The following ASIC2 variants were observed in gnomAD, a reference collection of about 807,000 sequenced individuals.
The protein encoded by ASIC2 is acid-sensing ion channel 2.
A neutral mutation model predicts 57.3 loss-of-function variants in ASIC2; 25 were observed. The observed-to-expected ratio is 0.44, with a 90% CI of 0.32 to 0.61. ASIC2 has a LOEUF of 0.61. ASIC2 is among the 20% of genes least tolerant of loss of function. The pLI, the probability that ASIC2 is intolerant of heterozygous loss-of-function variation, is 0.06. For synonymous variants in ASIC2, 319 were observed against 307.5 expected, an observed-to-expected ratio of 1.04 and a Z score of -0.39; for missense variants, 641 against 738.1, an observed-to-expected ratio of 0.87 and a Z score of 1.52.
chr17:33,790,018 C>G (rs866780901), intron 1 of ASIC2, among the ~76,000 whole-genome samples: 1 of 152,198 alleles, frequency 6.6e-6, no homozygotes, highest in Non-Finnish European at 1.5e-5. Context: ...GAAAATTCTT[C>G]CAATGATGAG....
chr17:33,301,325 G>A (rs1905952235), intron 1 of ASIC2, among the ~76,000 whole-genome samples: 1 of 151,908 alleles, frequency 6.6e-6, no homozygotes, highest in South Asian at 2.1e-4. Flanking sequence ...GCAGGTGTGA[G>A]CCACCACGCC....
chr17:33,989,145 A>AT (rs1905922420), intron 1 of ASIC2, among the ~76,000 whole-genome samples: 1 of 152,112 alleles, frequency 6.6e-6, no homozygotes, highest in Non-Finnish European at 1.5e-5. Context: ...TGTTAGTGAG[A>AT]CATGATGTTA....
intron 1 of ASIC2, among the ~76,000 whole-genome samples, chr17:33,888,210 A>G (rs1487581736): frequency 1.3e-5 from 2 of 152,148 alleles, no homozygotes; most frequent in Non-Finnish European, 2.9e-5. Flanking sequence ...GAGACAGACC[A>G]CCTAACCCAG....
At chr17:33,695,350 C>T (rs995286756) in intron 1 of ASIC2, among the ~76,000 whole-genome samples, 1 of 152,014 alleles carries the variant, frequency 6.6e-6, no homozygotes, top group Admixed American at 6.6e-5. Flanking sequence ...GAGGCCACTG[C>T]TATGGGGTTG....
intron 1 of ASIC2, among the ~76,000 whole-genome samples, chr17:33,788,802 C>G (rs1045686786): frequency 6.6e-6 from 1 of 152,074 alleles, no homozygotes; most frequent in African/African-American, 2.4e-5. Context: ...AACACAGGAA[C>G]AGAAAACCAA....
rs748908440 is a variant in ASIC2 at position 33,194,041 on chromosome 17, G to A, written c.709-81974C>T. ...GCAGCACCTTGGCAGGGGGAGGGCCGTATTCAAGATGCACTGTAACTGGGC... is the reference window on the plus strand; with the variant it reads ...GCAGCACCTTGGCAGGGGGAGGGCCATATTCAAGATGCACTGTAACTGGGC... On this transcript the variant is annotated intron_variant, in intron 1 of 9. Coordinates refer to ENST00000225823, the MANE Select transcript of ASIC2 (RefSeq NM_183377.2). 4.6e-5 allele frequency among the ~76,000 whole-genome samples: 7 copies of A among 152,214 alleles called. No homozygotes were observed. In the East Asian group the frequency reaches 5.8e-4, roughly 13 times the overall value.
At chr17:33,628,293 C>CTTTTTTTTT (rs796936645) in intron 1 of ASIC2, among the ~76,000 whole-genome samples, 1 of 143,512 alleles carries the variant, frequency 7.0e-6, no homozygotes. Context: ...CCTGTCTGGT[C>CTTTTTTTTT]TTTTTTTTTT....
intron 1 of ASIC2, among the ~76,000 whole-genome samples, chr17:33,971,796 A>T (rs1161537022): frequency 6.6e-6 from 1 of 152,224 alleles, no homozygotes; most frequent in Non-Finnish European, 1.5e-5. Flanking sequence ...AGACCTTGTG[A>T]TGGATTTAGA....
intron 1 of ASIC2, among the ~76,000 whole-genome samples, chr17:33,947,226 C>T (rs1904406867): frequency 6.6e-6 from 1 of 152,138 alleles, no homozygotes; most frequent in African/African-American, 2.4e-5. Flanking sequence ...CTATCTTTGC[C>T]ACTCCAGACT....
At chr17:33,156,083 G>T (rs1904993254) in intron 1 of ASIC2, among the ~76,000 whole-genome samples, 1 of 151,680 alleles carries the variant, frequency 6.6e-6, no homozygotes, top group Non-Finnish European at 1.5e-5. Context: ...ATCATAACTT[G>T]GTTCTGAATT....
At chr17:33,675,880 T>C (rs1006252448) in intron 1 of ASIC2, among the ~76,000 whole-genome samples, 1 of 152,224 alleles carries the variant, frequency 6.6e-6, no homozygotes, top group Non-Finnish European at 1.5e-5. Context: ...TTTAGCCTCA[T>C]TTTATTGCAC....
chr17:34,098,128 G>A (rs1567819968), intron 1 of ASIC2, among the ~76,000 whole-genome samples: 1 of 152,138 alleles, frequency 6.6e-6, no homozygotes, highest in Non-Finnish European at 1.5e-5. Context: ...AGACATGGTT[G>A]CCCCTGAGGA....
intron 1 of ASIC2, among the ~76,000 whole-genome samples, chr17:33,114,559 C>T (rs1434493338): frequency 6.6e-6 from 1 of 152,194 alleles, no homozygotes; most frequent in Non-Finnish European, 1.5e-5. Flanking sequence ...AACTCCTTCA[C>T]CTTTTAGTCC....
intron 1 of ASIC2, among the ~76,000 whole-genome samples, chr17:34,131,041 T>A (rs750186822): frequency 8.6e-5 from 13 of 151,994 alleles, no homozygotes; most frequent in Non-Finnish European, 1.6e-4. Context: ...AAACCAATGC[T>A]AAGGGAGAGA....
chr17:34,098,092 A>C (rs1010707432), intron 1 of ASIC2, among the ~76,000 whole-genome samples: 1 of 152,116 alleles, frequency 6.6e-6, no homozygotes, highest in African/African-American at 2.4e-5. Flanking sequence ...GCGGGTTTGG[A>C]GCTGAAGAAA....
chr17:33,263,352 T>C (rs1258021281), intron 1 of ASIC2, among the ~76,000 whole-genome samples: 5 of 152,218 alleles, frequency 3.3e-5, no homozygotes, highest in Admixed American at 2.0e-4. Context: ...CACGGGCCTA[T>C]TGCAGGCTGC....
At chr17:33,524,856 C>T (rs9911561) in intron 1 of ASIC2, among the ~76,000 whole-genome samples, 90,457 of 151,932 alleles carry the variant, frequency 0.6, 27,240 homozygotes, top group African/African-American at 0.69. Context: ...TACAGGTGCA[C>T]ATTACAGCGC....
At chr17:33,370,829 G>T (rs2141938553) in intron 1 of ASIC2, among the ~76,000 whole-genome samples, 1 of 152,302 alleles carries the variant, frequency 6.6e-6, no homozygotes, top group East Asian at 1.9e-4. Context: ...ACCGGAAAGG[G>T]GTCCCGATCC....
At chr17:33,206,483 G>T (rs530409435) in intron 1 of ASIC2, among the ~76,000 whole-genome samples, 1 of 152,314 alleles carries the variant, frequency 6.6e-6, no homozygotes, top group East Asian at 1.9e-4. Flanking sequence ...GTCAACCCAA[G>T]GTCAAGCCAA....
Sources: gnomAD v4.1 joint callset for allele counts (sites outside exome capture counted in the v4.1 genomes callset) on GRCh38, gnomAD v4.1.1 for gene constraint, MANE v1.5 for transcripts, NCBI Gene and HGNC (gene_info 2026-07-23, HGNC 2026-07-21) for gene names.